The following MBD5 variants were observed in gnomAD, a reference collection of about 807,000 sequenced individuals.
MBD5 encodes the protein methyl-CpG-binding domain protein 5.
A neutral mutation model predicts 117.3 loss-of-function variants in MBD5; 13 were observed. That is an observed-to-expected ratio of 0.11 (90% CI 0.07 to 0.18). The LOEUF is 0.18. MBD5 is among the 10% of genes least tolerant of loss of function. The pLI is 1.00. For missense variants in MBD5, 1,879 were observed against 2,093.8 expected, an observed-to-expected ratio of 0.90 and a Z score of 2.00; for synonymous variants, 727 against 766.4, an observed-to-expected ratio of 0.95 and a Z score of 0.85.
At chr2:148,439,125 C>G (rs1342163815) in intron 4 of MBD5, among the ~76,000 whole-genome samples, 1 of 152,160 alleles carries the variant, frequency 6.6e-6, no homozygotes. Context: ...ATCTGACGTA[C>G]AAGTGAAAAT....
At chr2:148,446,837 G>A (rs1369779396) in intron 4 of MBD5, among the ~76,000 whole-genome samples, 3 of 151,978 alleles carry the variant, frequency 2.0e-5, no homozygotes, top group Admixed American at 1.3e-4. Context: ...TGATGACTAG[G>A]AGAAAGTAAA....
At chr2:148,353,429 TA>T (rs1703296027) in intron 4 of MBD5, among the ~76,000 whole-genome samples, 1 of 152,106 alleles carries the variant, frequency 6.6e-6, no homozygotes, top group African/African-American at 2.4e-5. Context: ...TTTTTTCAGG[TA>T]AAAGTAATTT....
At chr2:148,441,093 G>C (rs1436132046) in intron 4 of MBD5, among the ~76,000 whole-genome samples, 1 of 151,898 alleles carries the variant, frequency 6.6e-6, no homozygotes, top group Non-Finnish European at 1.5e-5. Flanking sequence ...CTATTCCTAA[G>C]TGTTATTTTA....
At chr2:148,493,669 A>G (rs1681599272) in intron 11 of MBD5, among the ~76,000 whole-genome samples, 1 of 152,230 alleles carries the variant, frequency 6.6e-6, no homozygotes, top group Admixed American at 6.5e-5. Context: ...TGTTGGTCAT[A>G]ATAGTAACTG....
At chr2:148,289,757 A>G (rs181794983) in intron 3 of MBD5, among the ~76,000 whole-genome samples, 17 of 152,286 alleles carry the variant, frequency 1.1e-4, no homozygotes, top group African/African-American at 4.1e-4. Context: ...ATTTGCTTAA[A>G]TGTGGACTTT....
At chr2:148,252,015 C>G (rs775177269) in intron 3 of MBD5, among the ~76,000 whole-genome samples, 3 of 152,110 alleles carry the variant, frequency 2.0e-5, no homozygotes, top group Non-Finnish European at 4.4e-5. Flanking sequence ...CTGCCAGAGA[C>G]AGTTTGGAAA....
At chr2:148,294,196 G>GTTTTTTTTTTTTTTTTTTT (rs60942822) in intron 3 of MBD5, among the ~76,000 whole-genome samples, 3 of 127,146 alleles carry the variant, frequency 2.4e-5, no homozygotes, top group African/African-American at 8.9e-5. Flanking sequence ...CCAGAATGAA[G>GTTTTTTTTTTTTTTTTTTT]TTTTTTTTTT....
At chr2:148,438,016 A>T (rs1443991324) in intron 4 of MBD5, among the ~76,000 whole-genome samples, 1 of 152,214 alleles carries the variant, frequency 6.6e-6, no homozygotes. Context: ...TTTTATGTAC[A>T]CCCACAATGT....
intron 4 of MBD5, among the ~76,000 whole-genome samples, chr2:148,450,055 T>A (rs1009247794): frequency 2.0e-5 from 3 of 152,088 alleles, no homozygotes; most frequent in Non-Finnish European, 2.9e-5. Flanking sequence ...TTTTATAGTA[T>A]GTTTTTTCAC....
intron 8 of MBD5, among the ~76,000 whole-genome samples, chr2:148,482,440 A>G (rs189736164): frequency 9.9e-4 from 150 of 152,212 alleles, no homozygotes; most frequent in Non-Finnish European, 1.8e-3. Context: ...AAGCTACAAA[A>G]TAACATTATA....
At chr2:148,389,251 CATATATATAT>C (rs70995314) in intron 4 of MBD5, among the ~76,000 whole-genome samples, 1,084 of 32,328 alleles carry the variant, frequency 0.034, 88 homozygotes, top group South Asian at 0.043. Context: ...GAAAAAAAAA[CATATATATAT>C]ATATATATAT....
At chr2:148,510,384 G>A (rs768676532) in intron 13 of MBD5, among the ~76,000 whole-genome samples, 1 of 152,208 alleles carries the variant, frequency 6.6e-6, no homozygotes, top group East Asian at 1.9e-4. Flanking sequence ...TTTAAAATAT[G>A]AGCAGCAAAA....
At position 148,399,163 on chromosome 2, in the gene MBD5, C is replaced by G. The variant is rs867545762; in HGVS notation, c.-557+56827C>G. On this transcript the variant is annotated intron_variant, in intron 4 of 13. Coordinates refer to ENST00000642680, the MANE Select transcript of MBD5 (RefSeq NM_001378120.1). ...TCTTTTGTGGTTCCATATGAACTTT[C>G]AAGTAGTTTTTTCCAATTCCATGAA... 1.4e-4 allele frequency among the ~76,000 whole-genome samples: 21 copies of G among 152,214 alleles called. No homozygotes were observed. In the South Asian group the frequency reaches 1.9e-3, roughly 14 times the overall value.
At chr2:148,249,299 T>C (rs1322146824) in intron 3 of MBD5, among the ~76,000 whole-genome samples, 1 of 152,176 alleles carries the variant, frequency 6.6e-6, no homozygotes, top group Non-Finnish European at 1.5e-5. Context: ...TAATCTGACT[T>C]TGCTTTCCAA....
chr2:148,299,447 A>G (rs529198807), intron 3 of MBD5, among the ~76,000 whole-genome samples: 83 of 152,200 alleles, frequency 5.5e-4, no homozygotes, highest in Non-Finnish European at 9.1e-4. Flanking sequence ...TTTTTAAAGA[A>G]CTTTGTCTAA....
At chr2:148,061,829 A>C (rs1054591329) in intron 1 of MBD5, among the ~76,000 whole-genome samples, 4 of 151,954 alleles carry the variant, frequency 2.6e-5, no homozygotes, top group Non-Finnish European at 5.9e-5. Context: ...CACAATATCT[A>C]GACTGTATCT....
chr2:148,021,463 TTGCTGCTGCTGCTGCTGTTGCTGC>T lies in MBD5; in HGVS notation c.-1135_-1112del. ...CAACACAGACCCTTTGCTGCTGCTG[TTGCTGCTGCTGCTGCTGTTGCTGC>T]TGCTGCTGCTACTGCTGCTGCTGCT... On this transcript the variant is annotated 5_prime_UTR_variant, in exon 1 of 14. Coordinates refer to ENST00000642680, the MANE Select transcript of MBD5 (RefSeq NM_001378120.1). 1 of 573,876 alleles carries T rather than the reference TTGCTGCTGCTGCTGCTGTTGCTGC, an allele frequency of 1.7e-6. No individual in the cohort carries two copies. The highest frequency in any genetic ancestry group is 3.4e-6 in the Non-Finnish European group (1 of 298,506). The allele number at this position is 573,876 out of a possible 1,614,324, so 35.5% of individuals were successfully genotyped here.
In MBD5 at chr2:148,322,497, G is replaced by A. The variant is rs142915576; in HGVS notation, c.-679-19717G>A. Among the ~76,000 whole-genome samples the A allele has an allele frequency of 1.6e-3, 239 of 152,158 alleles. 2 individuals are homozygous for A. The highest frequency in any genetic ancestry group is 5.6e-3 in the African/African-American group (234 of 41,498). On this transcript the variant is annotated intron_variant, in intron 3 of 13. Coordinates refer to ENST00000642680, the MANE Select transcript of MBD5 (RefSeq NM_001378120.1). ...TTTTTATGAAATTTGATCTTAATCT[G>A]CAGTTTAATCTATCTTCATATTCAG...
chr2:148,203,402 T>G (rs913639638), intron 2 of MBD5, among the ~76,000 whole-genome samples: 1 of 152,220 alleles, frequency 6.6e-6, no homozygotes, highest in African/African-American at 2.4e-5. Flanking sequence ...TTCCACCCAT[T>G]CCCTTGCACT....
Sources: allele counts gnomAD v4.1 joint callset (sites outside exome capture counted in the v4.1 genomes callset), GRCh38; gene constraint gnomAD v4.1.1; transcripts MANE v1.5; gene names NCBI Gene and HGNC (gene_info 2026-07-23, HGNC 2026-07-21).